The following VRK2 variants were observed in gnomAD, a reference collection of about 807,000 sequenced individuals.
VRK2 encodes the protein serine/threonine-protein kinase VRK2.
A neutral mutation model predicts 57.6 loss-of-function variants in VRK2; 60 were observed. The ratio of observed to expected loss-of-function variants is 1.04; its 90% confidence interval spans 0.85 to 1.29. The LOEUF is 1.29. Ranked by LOEUF, VRK2 falls within the 50% of genes most tolerant of loss-of-function variation. The pLI, the probability that VRK2 is intolerant of heterozygous loss-of-function variation, is 0.00. For synonymous variants in VRK2, 231 were observed against 199.2 expected (o/e 1.16, Z -1.35); for missense variants, 705 against 588.1 (o/e 1.20, Z -2.06).
At chr2:58,077,804 A>G (rs1281912791) in intron 2 of VRK2, among the ~76,000 whole-genome samples, 2 of 152,074 alleles carry the variant, frequency 1.3e-5, no homozygotes, top group Non-Finnish European at 2.9e-5. Context: ...CAACAATACC[A>G]TGTAGAATTC....
intron 1 of VRK2, among the ~76,000 whole-genome samples, chr2:57,923,642 A>G (rs1670431404): frequency 6.6e-6 from 1 of 151,920 alleles, no homozygotes; most frequent in Non-Finnish European, 1.5e-5. Context: ...CTCTTGTCAG[A>G]TGCATAGTTT....
chr2:58,116,287 G>C (rs1676469905), intron 7 of VRK2, among the ~76,000 whole-genome samples: 2 of 151,568 alleles, frequency 1.3e-5, no homozygotes, highest in African/African-American at 4.9e-5. Flanking sequence ...AATACAAAAG[G>C]AGGACGCAAA....
At chr2:58,011,596 T>A (rs145598429) in intron 1 of VRK2, among the ~76,000 whole-genome samples, 10 of 152,334 alleles carry the variant, frequency 6.6e-5, no homozygotes, top group African/African-American at 2.4e-4. Flanking sequence ...TCCTTCCTAA[T>A]AATAGTGCTT....
At chr2:58,053,800 G>T (rs1435648864) in intron 2 of VRK2, among the ~76,000 whole-genome samples, 1 of 152,100 alleles carries the variant, frequency 6.6e-6, no homozygotes, top group Non-Finnish European at 1.5e-5. Context: ...ACAATGCAAC[G>T]TTGTGGTGCC....
At chr2:57,964,609 C>T (rs574379266) in intron 1 of VRK2, among the ~76,000 whole-genome samples, 58 of 152,222 alleles carry the variant, frequency 3.8e-4, no homozygotes, top group Admixed American at 5.9e-4. Flanking sequence ...ATAGGCCAGG[C>T]GCGGTGGCTC....
In VRK2 at chr2:57,951,892, T is replaced by C. The variant is rs1460323238; in HGVS notation, c.-439+44053T>C. 4.0e-5 allele frequency among the ~76,000 whole-genome samples: 6 copies of C among 150,526 alleles called. No individual in the cohort carries two copies. In the East Asian group the frequency reaches 1.2e-3, roughly 29 times the overall value. On this transcript the variant is annotated intron_variant, in intron 1 of 15. Transcript: ENST00000417641. Reference sequence around the variant, plus strand: ...CTGAGTAGTTTAAACTACAGAAGCATACCACCATGCCCAGGTAATTTTTTT... The same window carrying C: ...CTGAGTAGTTTAAACTACAGAAGCACACCACCATGCCCAGGTAATTTTTTT...
chr2:58,104,507 A>G (rs771927802), intron 7 of VRK2, among the ~76,000 whole-genome samples: 2 of 151,976 alleles, frequency 1.3e-5, no homozygotes, highest in African/African-American at 4.8e-5. Context: ...TATTTAACCA[A>G]GAAAGTGAAA....
At chr2:57,972,067 T>C (rs1164034792) in intron 1 of VRK2, among the ~76,000 whole-genome samples, 1 of 151,858 alleles carries the variant, frequency 6.6e-6, no homozygotes. Flanking sequence ...ATCCTTGCTT[T>C]ATGGCTTGAC....
At chr2:57,923,478 C>T (rs1382265326) in intron 1 of VRK2, among the ~76,000 whole-genome samples, 3 of 151,178 alleles carry the variant, frequency 2.0e-5, no homozygotes, top group Non-Finnish European at 4.4e-5. Flanking sequence ...TCCTGATGAC[C>T]AATGATGTTG....
intron 1 of VRK2, among the ~76,000 whole-genome samples, chr2:57,942,975 T>C (rs1255521071): frequency 2.0e-5 from 3 of 152,218 alleles, no homozygotes; most frequent in Admixed American, 6.5e-5. Context: ...GTTACTTGCA[T>C]AGAAAAGGGA....
At chr2:58,152,531 G>A (rs959746890) in intron 12 of VRK2, among the ~76,000 whole-genome samples, 1 of 151,874 alleles carries the variant, frequency 6.6e-6, no homozygotes, top group Non-Finnish European at 1.5e-5. Context: ...ACATATCCCA[G>A]TATTTACAGT....
chr2:57,917,051 C>G (rs1050376151), intron 1 of VRK2, among the ~76,000 whole-genome samples: 7 of 152,110 alleles, frequency 4.6e-5, no homozygotes, highest in African/African-American at 7.2e-5. Context: ...GCTGATGAAT[C>G]ATTAGGTTCT....
intron 1 of VRK2, among the ~76,000 whole-genome samples, chr2:57,921,429 T>TAG (rs1244478729): frequency 6.6e-6 from 1 of 152,008 alleles, no homozygotes; most frequent in Non-Finnish European, 1.5e-5. Flanking sequence ...TGGGGAGTGA[T>TAG]AGCCTTGTGT....
At chr2:58,026,118 G>A (rs1673916733) in intron 2 of VRK2, among the ~76,000 whole-genome samples, 1 of 151,992 alleles carries the variant, frequency 6.6e-6, no homozygotes, top group Non-Finnish European at 1.5e-5. Context: ...GTCTCACATT[G>A]TACTCTGTCT....
intron 1 of VRK2, among the ~76,000 whole-genome samples, chr2:57,978,953 TC>T (rs946007020): frequency 2.7e-5 from 4 of 150,936 alleles, no homozygotes; most frequent in Admixed American, 2.6e-4. Context: ...GCTTCCAGTT[TC>T]ATCTATGTCC....
chr2:57,916,522 G>T (rs73942221), intron 1 of VRK2, among the ~76,000 whole-genome samples: 1 of 151,018 alleles, frequency 6.6e-6, no homozygotes, highest in Non-Finnish European at 1.5e-5. Flanking sequence ...TCACTATATC[G>T]ACCCACCCTC....
chr2:58,135,894 C>T lies in VRK2; in HGVS notation c.856+695C>T, dbSNP rs576172700. Among the ~76,000 whole-genome samples the T allele has an allele frequency of 2.6e-4, 40 of 152,158 alleles. 1 individual carries two copies. The highest frequency in any genetic ancestry group is 8.9e-4 in the African/African-American group (37 of 41,518). ...AACAATTGAGTTAGACTGTCTTATA[C>T]GAAAAAGCCAGTGCCCACTATCAGT... On this transcript the variant is annotated intron_variant, in intron 10 of 12. Transcript: ENST00000340157.
chr2:58,131,009 G>T (rs1225071677), intron 8 of VRK2, among the ~76,000 whole-genome samples: 1 of 151,702 alleles, frequency 6.6e-6, no homozygotes, highest in African/African-American at 2.4e-5. Flanking sequence ...CATTTAATAG[G>T]TTGATATAAA....
At chr2:57,917,160 C>G (rs1227477032) in intron 1 of VRK2, among the ~76,000 whole-genome samples, 2 of 152,008 alleles carry the variant, frequency 1.3e-5, no homozygotes, top group Non-Finnish European at 2.9e-5. Flanking sequence ...ATCTAGCTGG[C>G]TTGGAGAAAG....
Sources: allele counts gnomAD v4.1 joint callset (sites outside exome capture counted in the v4.1 genomes callset), GRCh38; gene constraint gnomAD v4.1.1; transcripts MANE v1.5; gene names NCBI Gene and HGNC (gene_info 2026-07-23, HGNC 2026-07-21).